Variants in ZHX2 observed in about 807,000 individuals in gnomAD.
ZHX2 encodes the protein zinc fingers and homeoboxes 2, also known as zinc fingers and homeoboxes protein 2.
A neutral mutation model predicts 21.9 loss-of-function variants in ZHX2; 6 were observed. The observed-to-expected ratio is 0.27, with a 90% CI of 0.15 to 0.54. The LOEUF is 0.54. Among genes scored for constraint, ZHX2 ranks in the 20% least tolerant of loss-of-function variants. The pLI is 0.95. For synonymous variants in ZHX2, 434 were observed against 437.1 expected, an observed-to-expected ratio of 0.99 and a Z score of 0.09; for missense variants, 908 against 1,090.7, an observed-to-expected ratio of 0.83 and a Z score of 2.36.
At chr8:122,936,141 G>A (rs1586402708) in intron 2 of ZHX2, among the ~76,000 whole-genome samples, 2 of 152,144 alleles carry the variant, frequency 1.3e-5, no homozygotes, top group African/African-American at 2.4e-5. Flanking sequence ...AAAACACCAG[G>A]AATGTTTGAA....
chr8:122,963,899 G>GT (rs1813517818), intron 3 of ZHX2, among the ~76,000 whole-genome samples: 2 of 150,640 alleles, frequency 1.3e-5, no homozygotes, highest in Admixed American at 6.6e-5. Context: ...TTGTTTGTTT[G>GT]TTTTTTTGCA....
chr8:122,825,535 C>T (rs1818244423), intron 1 of ZHX2, among the ~76,000 whole-genome samples: 1 of 152,168 alleles, frequency 6.6e-6, no homozygotes, highest in African/African-American at 2.4e-5. Context: ...GATCAGGCCT[C>T]TCTGAGGTCA....
At chr8:122,834,425 G>T (rs1188731040) in intron 1 of ZHX2, among the ~76,000 whole-genome samples, 5 of 152,242 alleles carry the variant, frequency 3.3e-5, no homozygotes, top group Non-Finnish European at 4.4e-5. Context: ...GCATTGTCTG[G>T]ACCTGTGACC....
chr8:122,799,208 A>G (rs1043973422), intron 1 of ZHX2, among the ~76,000 whole-genome samples: 5 of 152,104 alleles, frequency 3.3e-5, no homozygotes, highest in African/African-American at 4.8e-5. Flanking sequence ...ATCACCACCT[A>G]TGGTGTGCAG....
intron 1 of ZHX2, among the ~76,000 whole-genome samples, chr8:122,804,259 C>A (rs1384475971): frequency 6.6e-6 from 1 of 152,124 alleles, no homozygotes; most frequent in African/African-American, 2.4e-5. Context: ...CAGGCGTGCA[C>A]CACTGTGCCT....
intron 2 of ZHX2, among the ~76,000 whole-genome samples, chr8:122,938,227 CCA>C (rs1168832092): frequency 1.3e-5 from 2 of 152,074 alleles, no homozygotes; most frequent in Non-Finnish European, 2.9e-5. Flanking sequence ...GCCACCATGC[CCA>C]GTTTATGTTT....
At chr8:122,922,923 C>T (rs540841947) in intron 2 of ZHX2, among the ~76,000 whole-genome samples, 51 of 152,324 alleles carry the variant, frequency 3.3e-4, no homozygotes, top group South Asian at 6.2e-4. Flanking sequence ...TCCATCTGCC[C>T]GGTGGGCTGC....
chr8:122,932,531 C>T (rs1034004786), intron 2 of ZHX2, among the ~76,000 whole-genome samples: 3 of 152,186 alleles, frequency 2.0e-5, no homozygotes, highest in Admixed American at 2.0e-4. Flanking sequence ...GTCAAAACTC[C>T]TGCCTCCAGA....
At chr8:122,809,303 G>A (rs1409310737) in intron 1 of ZHX2, 1 of 152,238 alleles carries the variant, frequency 6.6e-6, no homozygotes, top group Non-Finnish European at 1.5e-5. Flanking sequence ...TTCAAGACCA[G>A]CCTGGCCAAA....
At chr8:122,879,509 T>C (rs1313739098) in intron 2 of ZHX2, among the ~76,000 whole-genome samples, 2 of 142,914 alleles carry the variant, frequency 1.4e-5, no homozygotes, top group African/African-American at 5.2e-5. Context: ...CGGGCTGGTT[T>C]TTTTTTTTTT....
At chr8:122,834,925 T>G (rs1489214160) in intron 1 of ZHX2, among the ~76,000 whole-genome samples, 1 of 152,182 alleles carries the variant, frequency 6.6e-6, no homozygotes, top group Non-Finnish European at 1.5e-5. Context: ...AGGCCCTGTC[T>G]TGATAATCCC....
chr8:122,945,436 CA>C (rs60890533), intron 2 of ZHX2, among the ~76,000 whole-genome samples: 146 of 73,656 alleles, frequency 2.0e-3, no homozygotes, highest in Non-Finnish European at 2.9e-3. Context: ...CCTGTCTCTG[CA>C]AAAAAAAAAA....
chr8:122,948,149 C>T (rs1220128933), intron 2 of ZHX2, among the ~76,000 whole-genome samples: 1 of 152,194 alleles, frequency 6.6e-6, no homozygotes, highest in Non-Finnish European at 1.5e-5. Flanking sequence ...AGCCCCTAAG[C>T]AGGTGGGCGT....
chr8:122,783,391 C>T (rs779454859), intron 1 of ZHX2, among the ~76,000 whole-genome samples: 17 of 152,320 alleles, frequency 1.1e-4, no homozygotes, highest in Admixed American at 3.3e-4. Flanking sequence ...CTCCAGGTCT[C>T]AGGCAGGCCC....
chr8:122,790,846 G>A (rs1453598330), intron 1 of ZHX2, among the ~76,000 whole-genome samples: 6 of 152,100 alleles, frequency 3.9e-5, no homozygotes, highest in African/African-American at 7.2e-5. Context: ...GACCTCAAGC[G>A]ATCCTCCCAT....
intron 3 of ZHX2, among the ~76,000 whole-genome samples, chr8:122,962,368 A>T (rs1229432931): frequency 6.6e-6 from 1 of 152,164 alleles, no homozygotes; most frequent in East Asian, 1.9e-4. Flanking sequence ...GAGTGAGAAC[A>T]TATGATGTTT....
intron 2 of ZHX2, among the ~76,000 whole-genome samples, chr8:122,942,774 C>T (rs1374503433): frequency 6.6e-6 from 1 of 152,182 alleles, no homozygotes; most frequent in African/African-American, 2.4e-5. Context: ...CCATTTTTTC[C>T]TTCTCCCAGG....
At chr8:122,933,564 T>C (rs1442143111) in intron 2 of ZHX2, among the ~76,000 whole-genome samples, 1 of 152,130 alleles carries the variant, frequency 6.6e-6, no homozygotes, top group East Asian at 1.9e-4. Flanking sequence ...GGAGAAAGAA[T>C]ACTTTGCCTG....
chr8:122,896,117 A>G (rs1434171618), intron 2 of ZHX2, among the ~76,000 whole-genome samples: 1 of 152,130 alleles, frequency 6.6e-6, no homozygotes, highest in Non-Finnish European at 1.5e-5. Context: ...GTGGAGGACT[A>G]AAAGAGGCCA....
Sources: gnomAD v4.1 joint callset for allele counts (sites outside exome capture counted in the v4.1 genomes callset) on GRCh38, gnomAD v4.1.1 for gene constraint, MANE v1.5 for transcripts, NCBI Gene and HGNC (gene_info 2026-07-23, HGNC 2026-07-21) for gene names.